Variants in FAM13C observed in about 807,000 individuals in gnomAD.
The protein encoded by FAM13C is family with sequence similarity 13 member C.
In FAM13C, 37 loss-of-function variants were observed where a neutral mutation model predicts 73.2. The observed-to-expected ratio is 0.51, with a 90% CI of 0.39 to 0.67. The LOEUF is 0.67. Ranked by LOEUF, FAM13C falls within the 30% of genes least tolerant of loss-of-function variation. The pLI is 0.00. For synonymous variants in FAM13C, 246 were observed against 260.9 expected (o/e 0.94, Z 0.55); for missense variants, 589 against 715.6 (o/e 0.82, Z 2.02).
chr10:59,274,199 TG>T (rs1260643049), intron 6 of FAM13C, among the ~76,000 whole-genome samples: 2 of 147,144 alleles, frequency 1.4e-5, no homozygotes, highest in African/African-American at 5.3e-5. Context: ...AAAACAAAGA[TG>T]AAAAACAACC....
chr10:59,288,785 C>A (rs1046576600), intron 5 of FAM13C, among the ~76,000 whole-genome samples: 25 of 152,212 alleles, frequency 1.6e-4, no homozygotes, highest in African/African-American at 6.0e-4. Flanking sequence ...AGAAACTCTG[C>A]AGACCAGCTG....
chr10:59,294,938 A>G (rs1846716911), intron 5 of FAM13C, among the ~76,000 whole-genome samples: 1 of 152,200 alleles, frequency 6.6e-6, no homozygotes, highest in African/African-American at 2.4e-5. Flanking sequence ...TCCAGAGACC[A>G]ACATTATGCA....
At chr10:59,341,178 AC>A (rs2134176199) in intron 3 of FAM13C, among the ~76,000 whole-genome samples, 1 of 152,258 alleles carries the variant, frequency 6.6e-6, no homozygotes, top group East Asian at 1.9e-4. Context: ...TACCCCTACC[AC>A]GCTGGCAAAT....
chr10:59,306,799 G>A (rs543139411), intron 4 of FAM13C, among the ~76,000 whole-genome samples: 3 of 152,288 alleles, frequency 2.0e-5, no homozygotes, highest in African/African-American at 7.2e-5. Flanking sequence ...TGCTTGAACC[G>A]GGAGGCGGAG....
intron 10 of FAM13C, among the ~76,000 whole-genome samples, chr10:59,259,652 C>G (rs1842290374): frequency 6.6e-6 from 1 of 152,170 alleles, no homozygotes; most frequent in East Asian, 1.9e-4. Flanking sequence ...CTTTAGCCTA[C>G]TGAAGAGCTA....
chr10:59,257,978 G>C (rs1842108338), intron 10 of FAM13C, among the ~76,000 whole-genome samples: 1 of 152,034 alleles, frequency 6.6e-6, no homozygotes, highest in African/African-American at 2.4e-5. Flanking sequence ...AATGTTATTT[G>C]AGCTTTCAAA....
chr10:59,265,601 C>G (rs1345366127), intron 8 of FAM13C, among the ~76,000 whole-genome samples: 1 of 152,132 alleles, frequency 6.6e-6, no homozygotes, highest in Non-Finnish European at 1.5e-5. Flanking sequence ...TTATTTCCAT[C>G]TTTTGAAATA....
intron 3 of FAM13C, among the ~76,000 whole-genome samples, chr10:59,324,376 A>G (rs148997692): frequency 3.4e-4 from 52 of 152,314 alleles, no homozygotes; most frequent in African/African-American, 1.1e-3. Flanking sequence ...AGAATTTTAC[A>G]GACATTAAAA....
intron 4 of FAM13C, among the ~76,000 whole-genome samples, chr10:59,315,257 C>G (rs747205685): frequency 1.2e-4 from 18 of 152,098 alleles, no homozygotes; most frequent in Non-Finnish European, 2.6e-4. Context: ...AAAATTACCA[C>G]CACTAAAATA....
intron 10 of FAM13C, 133 bp from the exon 11 acceptor site, chr10:59,254,576 CATTTATTTATTTATTTATTT>C (rs3078249): frequency 1.5e-4 from 33 of 220,620 alleles, no homozygotes; most frequent in African/African-American, 5.6e-4. Context: ...AAAGGAAAGT[CATTTATTTATTTATTTATTT>C]ATTTATTTAT....
intron 3 of FAM13C, among the ~76,000 whole-genome samples, chr10:59,342,341 T>C (rs1219618591): frequency 8.9e-6 from 1 of 112,256 alleles, no homozygotes; most frequent in African/African-American, 3.4e-5. Context: ...ACTCAAACTT[T>C]ACCCTTTAAA....
intron 5 of FAM13C, among the ~76,000 whole-genome samples, chr10:59,299,919 T>A (rs1351303380): frequency 1.3e-5 from 2 of 151,930 alleles, no homozygotes; most frequent in East Asian, 3.9e-4. Flanking sequence ...AAATGTGGAA[T>A]AAAAAATGCA....
intron 1 of FAM13C, among the ~76,000 whole-genome samples, chr10:59,358,099 T>G (rs933953719): frequency 6.6e-6 from 1 of 152,144 alleles, no homozygotes; most frequent in African/African-American, 2.4e-5. Context: ...TTAAAAAAAT[T>G]GGTTGCCCTG....
chr10:59,362,036 T>C (rs1856481982), intron 1 of FAM13C, among the ~76,000 whole-genome samples: 1 of 152,210 alleles, frequency 6.6e-6, no homozygotes. Context: ...TTGCTGTAAA[T>C]GTATATAGTG....
rs1208665211 is a variant in FAM13C, at chr10:59,247,343, A to T, written c.*271T>A. The stretch of plus-strand genomic sequence containing the variant: ...ATTTGATAAAATATTAGACATTTTT[A>T]AAAATACTTGTATTGACTATGAGTT... On this transcript the variant is annotated 3_prime_UTR_variant, in exon 14 of 14. Transcript: ENST00000618804. The T allele has an allele frequency of 1.3e-5, 5 of 375,766 alleles. No homozygotes were observed. Among genetic ancestry groups the T allele is most frequent in the African/African-American group, 4.3e-5 (2 of 46,540 alleles). The allele number at this position is 375,766 out of a possible 1,614,324, so 23.3% of individuals were successfully genotyped here. A position where few individuals can be genotyped will look rare whatever the true frequency, so the allele number is the denominator to read the frequency against.
chr10:59,328,152 T>C (rs409770), intron 3 of FAM13C, among the ~76,000 whole-genome samples: 10,941 of 152,264 alleles, frequency 0.072, 504 homozygotes, highest in Non-Finnish European at 0.1. Context: ...GACCATCAAA[T>C]TTACTACATT....
At position 59,246,897 on chromosome 10, in the gene FAM13C, C is replaced by A; in HGVS notation, c.*717G>T. On this transcript the variant is annotated 3_prime_UTR_variant, in exon 14 of 14. Transcript: ENST00000618804. The stretch of plus-strand genomic sequence containing the variant: ...AAATACCTATTTTAAATTTTTAATA[C>A]AATATTTTATTTTAATATAAACATC... 3.1e-6 allele frequency: 1 copy of A among 327,586 alleles called. No individual in the cohort carries two copies. The allele number at this position is 327,586 out of a possible 1,614,324, so 20.3% of individuals were successfully genotyped here.
chr10:59,256,327 C>G (rs936176977), intron 10 of FAM13C, among the ~76,000 whole-genome samples: 1 of 152,148 alleles, frequency 6.6e-6, no homozygotes, highest in African/African-American at 2.4e-5. Context: ...ATTGGTATCT[C>G]TCCATTGCAA....
chr10:59,319,806 T>C (rs1326564952), intron 4 of FAM13C, among the ~76,000 whole-genome samples: 1 of 152,202 alleles, frequency 6.6e-6, no homozygotes, highest in East Asian at 1.9e-4. Context: ...TCTTTAATTT[T>C]ACATGTTTTG....
Sources: gnomAD v4.1 joint callset for allele counts (sites outside exome capture counted in the v4.1 genomes callset) on GRCh38, gnomAD v4.1.1 for gene constraint, MANE v1.5 for transcripts, NCBI Gene and HGNC (gene_info 2026-07-23, HGNC 2026-07-21) for gene names.